The following PRPF3 variants were observed in gnomAD, a reference collection of about 807,000 sequenced individuals.
PRPF3 encodes pre-mRNA processing factor 3, also known as U4/U6 small nuclear ribonucleoprotein Prp3.
In PRPF3, 3 loss-of-function variants were observed where a neutral mutation model predicts 89.2. The ratio of observed to expected loss-of-function variants is 0.03; its 90% CI spans 0.02 to 0.09. The LOEUF (loss-of-function observed/expected upper bound fraction) is 0.09, where lower values mean the gene tolerates loss of function less well. PRPF3 is among the 10% of genes least tolerant of loss of function. PRPF3 has a pLI of 1.00. For synonymous variants in PRPF3, 270 were observed against 289.1 expected (o/e 0.93, Z 0.67); for missense variants, 463 against 828.8 (o/e 0.56, Z 5.42).
At chr1:150,345,721 C>T (rs1020666488) in intron 12 of PRPF3, 3 of 392,160 alleles carry the variant, frequency 7.6e-6, no homozygotes, top group Non-Finnish European at 1.4e-5. Context: ...TTGTCAAGAA[C>T]AATGAGATTG....
chr1:150,351,281 C>G, intron 15 of PRPF3, among the ~76,000 whole-genome samples: 1 of 151,964 alleles, frequency 6.6e-6, no homozygotes, highest in East Asian at 1.9e-4. Flanking sequence ...AAAGTCTCTT[C>G]CTATTCGCTG....
At chr1:150,350,579 A>G (rs888152611) in intron 15 of PRPF3, among the ~76,000 whole-genome samples, 3 of 152,194 alleles carry the variant, frequency 2.0e-5, no homozygotes, top group Non-Finnish European at 4.4e-5. Flanking sequence ...TATTTCTATT[A>G]ATGAATTCTT....
intron 3 of PRPF3, among the ~76,000 whole-genome samples, chr1:150,326,686 A>AG (rs1360447964): frequency 0.46 from 69,583 of 151,674 alleles, 16,852 homozygotes; most frequent in East Asian, 0.76. Context: ...ATGGAACTAA[A>AG]AAAAAAAGCA....
chr1:150,336,155 T>A (rs1553867629), intron 7 of PRPF3, among the ~76,000 whole-genome samples: 1 of 152,190 alleles, frequency 6.6e-6, no homozygotes, highest in Non-Finnish European at 1.5e-5. Context: ...TGAGCTTGTT[T>A]TCCTGCTGAA....
chr1:150,348,006 T>A (rs1357393023), intron 14 of PRPF3, among the ~76,000 whole-genome samples: 2 of 152,340 alleles, frequency 1.3e-5, no homozygotes, highest in Non-Finnish European at 2.9e-5. Context: ...CTGTCTATAT[T>A]TGAAGGCCAG....
chr1:150,351,906 G>A (rs1553874482), intron 15 of PRPF3, among the ~76,000 whole-genome samples: 1 of 151,958 alleles, frequency 6.6e-6, no homozygotes, highest in Non-Finnish European at 1.5e-5. Context: ...TAGAGAACCA[G>A]TATTAATGTT....
intron 7 of PRPF3, among the ~76,000 whole-genome samples, chr1:150,336,894 C>T (rs1191820010): frequency 2.0e-5 from 3 of 151,618 alleles, no homozygotes; most frequent in Non-Finnish European, 2.9e-5. Context: ...TGGAGGGAAA[C>T]AATTTGAAAC....
Position 150,324,996 on chromosome 1 carries a change from A to G in PRPF3, c.54A>G (p.Thr18=), listed in dbSNP as rs782412669. Residue 18 remains threonine, a synonymous_variant, in exon 2 of 16, where the codon ACA becomes ACG. Coordinates refer to ENST00000324862, the MANE Select transcript of PRPF3 (RefSeq NM_004698.4). The part of the protein sequence containing the change: ...LDELKPWIEK[T]VKRVLGFSEP... ...AGCTGAAACCATGGATAGAGAAGAC[A>G]GTGAAGAGGGTCCTGGGTTTCTCAG... The G allele has an allele frequency of 1.2e-6, 2 of 1,613,912 alleles. No individual in the cohort carries two copies. Among genetic ancestry groups the G allele is most frequent in the Non-Finnish European group, 1.7e-6 (2 of 1,179,954 alleles).
At chr1:150,336,120 C>T (rs1341381035) in intron 7 of PRPF3, among the ~76,000 whole-genome samples, 3 of 152,018 alleles carry the variant, frequency 2.0e-5, no homozygotes, top group African/African-American at 7.2e-5. Flanking sequence ...TATAACTCAC[C>T]ATAATATAAA....
rs149908445 is a variant in PRPF3 at position 150,343,250 on chromosome 1, T to A, written c.1283-59T>A. On this transcript the variant is annotated intron_variant, in intron 9 of 15. Transcript: ENST00000324862. ...GAGTGAGAGAGAGAAAAAAAAAAAATATATATATATATATATGTATTCTTA... is the reference window on the plus strand; with the variant it reads ...GAGTGAGAGAGAGAAAAAAAAAAAAAATATATATATATATATGTATTCTTA... The A allele has an allele frequency of 2.2e-3, 263 of 121,572 alleles. No homozygotes were observed. Among genetic ancestry groups the A allele is most frequent in the Non-Finnish European group, 2.6e-3 (203 of 79,450 alleles). The allele number at this position is 121,572 out of a possible 1,614,324, so 7.5% of individuals were successfully genotyped here. A position where few individuals can be genotyped will look rare whatever the true frequency, so the allele number is the denominator to read the frequency against.
rs587634393 is a variant in PRPF3, at chr1:150,347,039, C to T, written c.1843+548C>T. Among the ~76,000 whole-genome samples the T allele has an allele frequency of 3.9e-5, 6 of 152,116 alleles. No homozygotes were observed. In the South Asian group the frequency reaches 1.2e-3, roughly 32 times the overall value. ...TTGGGGAGGTCGAGGCTGCAGTAAG[C>T]TGTGATCGTGCCACTGCAATCCAGC... On this transcript the variant is annotated intron_variant, in intron 14 of 15. Coordinates refer to ENST00000324862, the MANE Select transcript of PRPF3 (RefSeq NM_004698.4).
intron 1 of PRPF3, among the ~76,000 whole-genome samples, chr1:150,323,159 G>GCCACCGCA (rs1346279741): frequency 7.6e-6 from 1 of 131,306 alleles, no homozygotes; most frequent in African/African-American, 2.9e-5. Flanking sequence ...ACAGGCGTGA[G>GCCACCGCA]CCACCGCACC....
Position 150,324,880 on chromosome 1 carries a change from C to CTCTTTT in PRPF3, c.-48-14_-48-13insCTTTTT. Reference sequence around the variant, plus strand: ...TCTTTTCTTATTCTCTAACTTGTCTCTTTTTTTTTTTTAGGTGTAGTATTG... The same window carrying CTCTTTT: ...TCTTTTCTTATTCTCTAACTTGTCTCTCTTTTTTTTTTTTTTTTAGGTGTAGTATTG... On this transcript the variant is annotated splice_polypyrimidine_tract_variant and intron_variant, in intron 1 of 15. Coordinates refer to ENST00000324862, the MANE Select transcript of PRPF3 (RefSeq NM_004698.4). The CTCTTTT allele has an allele frequency of 7.4e-7, 1 of 1,343,010 alleles. No individual in the cohort carries two copies. The highest frequency in any genetic ancestry group is 2.2e-5 in the Admixed American group (1 of 45,758). The allele number at this position is 1,343,010 out of a possible 1,614,324, so 83.2% of individuals were successfully genotyped here.
chr1:150,340,799 G>A (rs148052548), intron 9 of PRPF3, among the ~76,000 whole-genome samples: 151 of 152,162 alleles, frequency 9.9e-4, no homozygotes, highest in African/African-American at 3.3e-3. Context: ...GGGCAACACA[G>A]TGAGACCCAT....
At chr1:150,346,359 C>A in intron 13 of PRPF3, 49 bp from the exon 14 acceptor site, 1 of 1,545,248 alleles carries the variant, frequency 6.5e-7, no homozygotes, top group Non-Finnish European at 8.9e-7. Flanking sequence ...GTTCTTTCTA[C>A]CCCATCATCT....
At chr1:150,325,959 C>T (rs1268846672) in intron 3 of PRPF3, 78 bp downstream of exon 3, 6 of 1,535,312 alleles carry the variant, frequency 3.9e-6, no homozygotes, top group Non-Finnish European at 4.5e-6. Flanking sequence ...CCAGTTCACA[C>T]GTTGATATCC....
chr1:150,352,711 A>T, intron 15 of PRPF3, 122 bp from the exon 16 acceptor site: 1 of 1,085,306 alleles, frequency 9.2e-7, no homozygotes, highest in South Asian at 1.4e-5. Flanking sequence ...ATTTTTTTTT[A>T]ACCATAAAAT....
chr1:150,351,981 T>C (rs1658975084), intron 15 of PRPF3, among the ~76,000 whole-genome samples: 1 of 152,204 alleles, frequency 6.6e-6, no homozygotes, highest in African/African-American at 2.4e-5. Context: ...TGCTCCAGCC[T>C]CCTTATTGGA....
At chr1:150,329,434 A>G (rs1656083812) in intron 4 of PRPF3, among the ~76,000 whole-genome samples, 1 of 152,222 alleles carries the variant, frequency 6.6e-6, no homozygotes, top group South Asian at 2.1e-4. Context: ...TGTGGCAAGC[A>G]AAGTGTGTTA....
Sources: allele counts gnomAD v4.1 joint callset (sites outside exome capture counted in the v4.1 genomes callset), GRCh38; gene constraint gnomAD v4.1.1; transcripts MANE v1.5; gene names NCBI Gene and HGNC (gene_info 2026-07-23, HGNC 2026-07-21).